Variants in PARP8 observed in about 807,000 individuals in gnomAD.
The protein encoded by PARP8 is poly(ADP-ribose) polymerase family member 8.
A neutral mutation model predicts 124.1 loss-of-function variants in PARP8; 51 were observed. The observed-to-expected ratio is 0.41, with a 90% confidence interval of 0.33 to 0.52. The LOEUF (loss-of-function observed/expected upper bound fraction) is 0.52. PARP8 is among the 20% of genes least tolerant of loss of function. The pLI is 0.21. For synonymous variants in PARP8, 391 were observed against 361.5 expected (o/e 1.08, Z -0.93); for missense variants, 860 against 1,018.9 (o/e 0.84, Z 2.12).
chr5:50,713,599 G>A (rs983968307), intron 2 of PARP8, among the ~76,000 whole-genome samples: 1 of 151,598 alleles, frequency 6.6e-6, no homozygotes, highest in African/African-American at 2.4e-5. Flanking sequence ...ATATAATGTG[G>A]TAGACAGAAT....
At chr5:50,792,061 C>T (rs1425630028) in intron 10 of PARP8, among the ~76,000 whole-genome samples, 1 of 152,108 alleles carries the variant, frequency 6.6e-6, no homozygotes, top group African/African-American at 2.4e-5. Context: ...GCCCTGGAAC[C>T]TTTGTTCACA....
rs768226099 is a variant in PARP8 at position 50,834,036 on chromosome 5, G to A, written c.2365G>A (p.Ala789Thr). The A allele has an allele frequency of 6.2e-7, 1 of 1,611,706 alleles. No homozygotes were observed. Among genetic ancestry groups the A allele is most frequent in the Non-Finnish European group, 8.5e-7 (1 of 1,178,446 alleles). The change falls in exon 24 of 26, where the codon GCC becomes ACC. Residue 789 changes from alanine (A) to threonine (T), a missense_variant. By Grantham distance (58) the Ala-to-Thr change is moderately conservative. Around this residue, in one of 2 missense-constraint regions of PARP8, gnomAD observed 343 missense variants for 474.7 expected, o/e 0.72. Transcript: ENST00000281631. ...FLQSRNLKCI[A>T]LCEVITSSDL... is the part of the protein sequence containing the mutation. Reference sequence around the variant, plus strand: ...GCAAAGCCGTAACTTAAAATGCATAGCCTTATGTGAAGGTAAGTTGAAAGT... The same window carrying A: ...GCAAAGCCGTAACTTAAAATGCATAACCTTATGTGAAGGTAAGTTGAAAGT...
At chr5:50,692,209 T>C (rs1752565426) in intron 2 of PARP8, among the ~76,000 whole-genome samples, 1 of 152,190 alleles carries the variant, frequency 6.6e-6, no homozygotes, top group Admixed American at 6.6e-5. Context: ...CTAAAATCTT[T>C]GTCATGTCAT....
chr5:50,764,813 C>CTT (rs5867717), intron 7 of PARP8, among the ~76,000 whole-genome samples: 33 of 138,532 alleles, frequency 2.4e-4, no homozygotes, highest in Middle Eastern at 7.9e-3. Flanking sequence ...GTGTTTTTTT[C>CTT]TTTTTTTTTT....
chr5:50,814,977 T>C (rs1744934608), intron 14 of PARP8, among the ~76,000 whole-genome samples: 1 of 152,106 alleles, frequency 6.6e-6, no homozygotes, highest in South Asian at 2.1e-4. Context: ...CATGCTATTT[T>C]TTTTTTGTTT....
chr5:50,678,372 A>G (rs1184615359), intron 2 of PARP8, among the ~76,000 whole-genome samples: 1 of 152,188 alleles, frequency 6.6e-6, no homozygotes, highest in Non-Finnish European at 1.5e-5. Flanking sequence ...CATAACATGT[A>G]CATACCTGAA....
chr5:50,723,177 A>T (rs564879593), intron 2 of PARP8, among the ~76,000 whole-genome samples: 249 of 152,252 alleles, frequency 1.6e-3, no homozygotes, highest in African/African-American at 5.5e-3. Context: ...GACTTGAATG[A>T]TAAATTTTTG....
rs1002935465 is a variant in PARP8, at chr5:50,843,149, A to G, written c.*1081A>G. On this transcript the variant is annotated 3_prime_UTR_variant, in exon 26 of 26. Transcript: ENST00000281631. ...GACCACAAATAAGTTTATAGAGAAC[A>G]GTAACACCAGCTCTCAGCATTTCCT... 6.6e-6 allele frequency: 1 copy of G among 151,786 alleles called. No homozygotes were observed. The highest frequency in any genetic ancestry group is 2.4e-5 in the African/African-American group (1 of 41,392). The allele number at this position is 151,786 out of a possible 1,614,324, so 9.4% of individuals were successfully genotyped here.
chr5:50,756,896 C>T (rs1051004743), intron 3 of PARP8, among the ~76,000 whole-genome samples: 4 of 152,074 alleles, frequency 2.6e-5, no homozygotes, highest in Non-Finnish European at 5.9e-5. Context: ...ACTTAGATTC[C>T]GTATAGAAGT....
intron 24 of PARP8, among the ~76,000 whole-genome samples, chr5:50,834,343 C>T (rs1178007372): frequency 6.6e-6 from 1 of 152,036 alleles, no homozygotes; most frequent in Non-Finnish European, 1.5e-5. Flanking sequence ...TAATGTGCTA[C>T]CTTCCTCTTA....
Position 50,824,962 on chromosome 5 carries a change from C to T in PARP8, c.1915C>T (p.Pro639Ser). 1.9e-6 allele frequency: 3 copies of T among 1,611,778 alleles called. No individual in the cohort carries two copies. The highest frequency in any genetic ancestry group is 2.5e-6 in the Non-Finnish European group (3 of 1,178,062). The change falls in exon 18 of 26, where the codon CCC becomes TCC. Residue 639 changes from proline to serine, a missense_variant. Coordinates refer to ENST00000281631, the MANE Select transcript of PARP8 (RefSeq NM_024615.4). Reference protein sequence around the residue: ...QMDKQDPLAHPLLQWVISSNR... With the variant: ...QMDKQDPLAHSLLQWVISSNR... The stretch of plus-strand genomic sequence containing the variant: ...GGATAAACAGGACCCCCTTGCTCAT[C>T]CCTTACTGCAATGGTATAAAATTCT...
Position 50,788,514 on chromosome 5 carries a change from C to A in PARP8, c.671-9C>A. The stretch of plus-strand genomic sequence containing the variant: ...TCAATATGTGACTGTGATCCTTTTT[C>A]CTTTCCAGTGCCCACTGTTGATGTC... On this transcript the variant is annotated splice_polypyrimidine_tract_variant and intron_variant, in intron 9 of 25. Transcript: ENST00000281631. 6.2e-7 allele frequency: 1 copy of A among 1,610,380 alleles called. No individual in the cohort carries two copies.
At chr5:50,666,039 A>G (rs1749253060), upstream of PARP8, 1 of 152,194 alleles carries the variant, frequency 6.6e-6, no homozygotes, top group South Asian at 2.1e-4. Context: ...ACCATTTCTC[A>G]TGAACAGAAA....
intron 7 of PARP8, among the ~76,000 whole-genome samples, chr5:50,768,414 A>G (rs376091482): frequency 6.6e-6 from 1 of 152,244 alleles, no homozygotes; most frequent in Non-Finnish European, 1.5e-5. Context: ...AGAAATGTAG[A>G]TTAAAAGAGT....
chr5:50,800,329 T>A (rs766106382), intron 14 of PARP8, among the ~76,000 whole-genome samples: 2 of 152,222 alleles, frequency 1.3e-5, no homozygotes, highest in Non-Finnish European at 2.9e-5. Context: ...TATTAAGTTA[T>A]TTTTGGATTC....
At chr5:50,729,494 C>A (rs991874712) in intron 2 of PARP8, among the ~76,000 whole-genome samples, 2 of 152,096 alleles carry the variant, frequency 1.3e-5, no homozygotes, top group Admixed American at 1.3e-4. Flanking sequence ...GTAACTAGGA[C>A]AAATTGATAG....
chr5:50,706,826 C>A (rs982091600), intron 2 of PARP8, among the ~76,000 whole-genome samples: 8 of 151,928 alleles, frequency 5.3e-5, no homozygotes, highest in African/African-American at 1.2e-4. Context: ...AAAACAGATA[C>A]CTTTTACCAG....
At chr5:50,797,677 T>C (rs1742714991) in intron 14 of PARP8, among the ~76,000 whole-genome samples, 1 of 152,174 alleles carries the variant, frequency 6.6e-6, no homozygotes, top group Non-Finnish European at 1.5e-5. Flanking sequence ...AGGATCCCAA[T>C]AAAGATTTCC....
intron 25 of PARP8, among the ~76,000 whole-genome samples, chr5:50,840,889 A>G (rs897755251): frequency 1.3e-5 from 2 of 151,840 alleles, no homozygotes; most frequent in African/African-American, 2.4e-5. Flanking sequence ...GTAAGTTGAA[A>G]CTTGCTAAGT....
Sources: gnomAD v4.1 joint callset for allele counts (sites outside exome capture counted in the v4.1 genomes callset) on GRCh38, gnomAD v4.1.1 for gene constraint, gnomAD v4.1.1 regional missense constraint, MANE v1.5 for transcripts, NCBI Gene and HGNC (gene_info 2026-07-23, HGNC 2026-07-21) for gene names.